MECOM: variants seen among roughly 807,000 people sequenced by gnomAD.
MECOM encodes MDS1 and EVI1 complex locus, also known as histone-lysine N-methyltransferase MECOM.
Under a neutral mutation model 116.3 loss-of-function variants are expected in MECOM, and 13 were observed. The ratio of observed to expected loss-of-function variants is 0.11; its 90% CI spans 0.07 to 0.18. The LOEUF (loss-of-function observed/expected upper bound fraction) is 0.18. Among genes scored for constraint, MECOM ranks in the 10% least tolerant of loss-of-function variants. MECOM has a pLI of 1.00. For synonymous variants in MECOM, 528 were observed against 535.2 expected (o/e 0.99, Z 0.19); for missense variants, 1,299 against 1,509.0 (o/e 0.86, Z 2.31).
At chr3:169,438,058 C>T (rs1335941202) in intron 1 of MECOM, among the ~76,000 whole-genome samples, 1 of 152,108 alleles carries the variant, frequency 6.6e-6, no homozygotes, top group Non-Finnish European at 1.5e-5. Flanking sequence ...ACTCTCATCC[C>T]CATTTTATAT....
At chr3:169,372,756 A>G (rs907326056) in intron 2 of MECOM, among the ~76,000 whole-genome samples, 1 of 151,950 alleles carries the variant, frequency 6.6e-6, no homozygotes, top group Non-Finnish European at 1.5e-5. Flanking sequence ...CCTGACACAC[A>G]ATGTCACATT....
intron 2 of MECOM, among the ~76,000 whole-genome samples, chr3:169,343,897 A>T (rs1184616911): frequency 6.6e-6 from 1 of 152,174 alleles, no homozygotes; most frequent in Non-Finnish European, 1.5e-5. Flanking sequence ...GTTGACATTC[A>T]AAATGCCAAC....
At chr3:169,281,809 C>CA (rs1342245329) in intron 2 of MECOM, among the ~76,000 whole-genome samples, 1 of 150,904 alleles carries the variant, frequency 6.6e-6, no homozygotes, top group Non-Finnish European at 1.5e-5. Flanking sequence ...GATCCTGTCT[C>CA]AAAAAAAAAT....
At chr3:169,327,474 C>G (rs1169947866) in intron 2 of MECOM, among the ~76,000 whole-genome samples, 1 of 151,770 alleles carries the variant, frequency 6.6e-6, no homozygotes, top group African/African-American at 2.4e-5. Context: ...CCCGTCTGTA[C>G]TAAAAATACA....
intron 1 of MECOM, among the ~76,000 whole-genome samples, chr3:169,638,912 C>T (rs1232804688): frequency 2.6e-5 from 4 of 152,094 alleles, no homozygotes; most frequent in African/African-American, 9.7e-5. Flanking sequence ...TTAGTTCTCA[C>T]CAGTGGAATT....
intron 2 of MECOM, among the ~76,000 whole-genome samples, chr3:169,144,747 A>C (rs2149294004): frequency 6.6e-6 from 1 of 152,296 alleles, no homozygotes; most frequent in African/African-American, 2.4e-5. Context: ...AGAGTTGTTG[A>C]CCTGATGGTG....
chr3:169,280,726 T>C (rs944192824), intron 2 of MECOM, among the ~76,000 whole-genome samples: 5 of 152,164 alleles, frequency 3.3e-5, no homozygotes, highest in Admixed American at 3.3e-4. Flanking sequence ...TTGAACACCA[T>C]TGTGGGCCTT....
rs956214913 is a variant in MECOM, at chr3:169,493,731, G to A, written c.38-112207C>T. Among the ~76,000 whole-genome samples the A allele has an allele frequency of 1.1e-4, 17 of 152,092 alleles. 1 individual carries two copies. Among genetic ancestry groups the A allele is most frequent in the South Asian group, 2.1e-4 (1 of 4,826 alleles). On this transcript the variant is annotated intron_variant, in intron 1 of 16. Transcript: ENST00000651503. The stretch of plus-strand genomic sequence containing the variant: ...ACAGCCCTGACACTTTATGAATAGG[G>A]AAATGAGAGAGCCTATTGAAGAAAG...
At chr3:169,617,411 G>T (rs1770146792) in intron 1 of MECOM, among the ~76,000 whole-genome samples, 1 of 152,176 alleles carries the variant, frequency 6.6e-6, no homozygotes, top group Non-Finnish European at 1.5e-5. Context: ...TAGTTCAGTA[G>T]ATCTGAGATG....
At chr3:169,117,749 G>T (rs1729627649) in intron 7 of MECOM, among the ~76,000 whole-genome samples, 1 of 152,162 alleles carries the variant, frequency 6.6e-6, no homozygotes, top group Admixed American at 6.5e-5. Flanking sequence ...CCTCACACAT[G>T]TGCCACTATA....
chr3:169,537,585 A>G (rs1759540678), intron 1 of MECOM, among the ~76,000 whole-genome samples: 1 of 152,144 alleles, frequency 6.6e-6, no homozygotes, highest in South Asian at 2.1e-4. Flanking sequence ...TTGACAGGCT[A>G]AAGTTAGTGT....
chr3:169,308,032 T>C (rs1718035454), intron 2 of MECOM, among the ~76,000 whole-genome samples: 1 of 152,220 alleles, frequency 6.6e-6, no homozygotes, highest in South Asian at 2.1e-4. Flanking sequence ...ACTCTTCCCC[T>C]TTCTTCTATA....
chr3:169,147,084 G>GAGCT (rs1172119307), intron 2 of MECOM: 9 of 987,864 alleles, frequency 9.1e-6, no homozygotes, highest in Non-Finnish European at 1.1e-5. Context: ...AATGAGCTCG[G>GAGCT]AGCTATTCCT....
At chr3:169,094,478 G>A (rs994859369) in intron 13 of MECOM, among the ~76,000 whole-genome samples, 4 of 152,216 alleles carry the variant, frequency 2.6e-5, no homozygotes, top group African/African-American at 9.6e-5. Context: ...CAAGGTCCCA[G>A]TTAAGAAAAG....
At chr3:169,247,227 T>C (rs1443736020) in intron 2 of MECOM, among the ~76,000 whole-genome samples, 1 of 152,002 alleles carries the variant, frequency 6.6e-6, no homozygotes, top group Non-Finnish European at 1.5e-5. Flanking sequence ...AAAACATGAA[T>C]AAACCTATGA....
At chr3:169,337,573 G>A (rs776490395) in intron 2 of MECOM, among the ~76,000 whole-genome samples, 1 of 152,150 alleles carries the variant, frequency 6.6e-6, no homozygotes, top group Non-Finnish European at 1.5e-5. Flanking sequence ...TGAGTTTCCA[G>A]TTGCTGTTTA....
At chr3:169,184,583 G>A (rs1186527039) in intron 2 of MECOM, among the ~76,000 whole-genome samples, 1 of 152,122 alleles carries the variant, frequency 6.6e-6, no homozygotes, top group African/African-American at 2.4e-5. Context: ...AAGTGATGGT[G>A]TATTTCCTGA....
intron 1 of MECOM, among the ~76,000 whole-genome samples, chr3:169,658,847 G>A (rs2110118949): frequency 6.6e-6 from 1 of 152,246 alleles, no homozygotes; most frequent in African/African-American, 2.4e-5. Flanking sequence ...TTCCAGCGGA[G>A]GCAACGCGCA....
At chr3:169,376,180 A>C (rs1404414183) in intron 2 of MECOM, among the ~76,000 whole-genome samples, 1 of 152,298 alleles carries the variant, frequency 6.6e-6, no homozygotes, top group East Asian at 1.9e-4. Flanking sequence ...AACGTATCTC[A>C]AAATAATAAG....
Sources: gnomAD v4.1 joint callset for allele counts (sites outside exome capture counted in the v4.1 genomes callset) on GRCh38, gnomAD v4.1.1 for gene constraint, MANE v1.5 for transcripts, NCBI Gene and HGNC (gene_info 2026-07-23, HGNC 2026-07-21) for gene names.